Variants in SLCO3A1 observed in about 807,000 individuals in gnomAD.
SLCO3A1 encodes the protein solute carrier organic anion transporter family member 3A1.
In SLCO3A1, 27 loss-of-function variants were observed where a neutral mutation model predicts 63.1. The observed-to-expected ratio is 0.43, with a 90% CI of 0.32 to 0.59. The LOEUF is 0.59. SLCO3A1 is among the 20% of genes least tolerant of loss of function. The pLI, the probability that SLCO3A1 is intolerant of heterozygous loss-of-function variation, is 0.09. For synonymous variants in SLCO3A1, 473 were observed against 409.9 expected, an observed-to-expected ratio of 1.15 and a Z score of -1.86; for missense variants, 773 against 945.8, an observed-to-expected ratio of 0.82 and a Z score of 2.40.
In SLCO3A1 at chr15:91,854,343, G is replaced by T; in HGVS notation, c.180+255G>T. ...GTCCGGCTGGGGCAGGGGGTGCCGG[G>T]GGAGGAGAGGCGGCGGGCAGGTGGG... On this transcript the variant is annotated intron_variant, in intron 1 of 9. Transcript: ENST00000318445. The surrounding 1 kb of genome is among the most constrained non-coding windows in gnomAD (Gnocchi z 6.4). The T allele has an allele frequency of 1.8e-6, 2 of 1,127,818 alleles. No individual in the cohort carries two copies. Among genetic ancestry groups the T allele is most frequent in the South Asian group, 8.8e-5 (2 of 22,726 alleles). The allele number at this position is 1,127,818 out of a possible 1,614,324, so 69.9% of individuals were successfully genotyped here. A position where few individuals can be genotyped will look rare whatever the true frequency, so the allele number is the denominator to read the frequency against.
chr15:91,986,665 G>C (rs1169167197), intron 2 of SLCO3A1, among the ~76,000 whole-genome samples: 3 of 152,032 alleles, frequency 2.0e-5, no homozygotes, highest in Non-Finnish European at 4.4e-5. Context: ...CAGACCAGCT[G>C]CATTGGTTAA....
At chr15:92,147,706 A>G (rs2048247060) in intron 8 of SLCO3A1, among the ~76,000 whole-genome samples, 1 of 152,140 alleles carries the variant, frequency 6.6e-6, no homozygotes, top group Non-Finnish European at 1.5e-5. Context: ...TTCTTGTACA[A>G]AGAGGTTGCT....
rs1346971744 is a variant in SLCO3A1 at position 92,137,690 on chromosome 15, A to T, written c.1512+9201A>T. Among the ~76,000 whole-genome samples the T allele has an allele frequency of 2.8e-5, 3 of 106,794 alleles. No homozygotes were observed. The East Asian group carries it at 8.2e-4, about 29-fold the overall frequency. The allele number at this position is 106,794 out of a possible 152,430, so 70.1% of individuals were successfully genotyped here. On this transcript the variant is annotated intron_variant, in intron 7 of 9. Transcript: ENST00000318445. ...TCTAACTGGTGTGAGATGGTATCTCATTGTGGTTTTGATTTGCATTTCTCT... is the reference window on the plus strand; with the variant it reads ...TCTAACTGGTGTGAGATGGTATCTCTTTGTGGTTTTGATTTGCATTTCTCT...
Position 92,165,213 on chromosome 15 carries a change from C to A in SLCO3A1, c.*2078C>A, listed in dbSNP as rs950931862. On this transcript the variant is annotated 3_prime_UTR_variant, in exon 10 of 10. Coordinates refer to ENST00000318445, the MANE Select transcript of SLCO3A1 (RefSeq NM_013272.4). The stretch of plus-strand genomic sequence containing the variant: ...ATCAGCTACCTGGGGCAGGATGCTT[C>A]TGAGACAGGCCTTTCAACTGCTTAG... The A allele has an allele frequency of 3.0e-6, 3 of 985,276 alleles. No individual in the cohort carries two copies. The African/African-American group carries it at 5.2e-5, about 17-fold the overall frequency. 61.0% of individuals were successfully genotyped at this position (985,276 alleles called of 1,614,324 possible). A position where few individuals can be genotyped will look rare whatever the true frequency, so the allele number is the denominator to read the frequency against.
In SLCO3A1 at chr15:92,047,482, AAT is replaced by A. The variant is rs1158353026; in HGVS notation, c.647-47389_647-47388del. On this transcript the variant is annotated intron_variant, in intron 2 of 9. Coordinates refer to ENST00000318445, the MANE Select transcript of SLCO3A1 (RefSeq NM_013272.4). ...TATATATAATATATAAATATATATA[AAT>A]ATATATATAAATATATATAAATATA... Among the ~76,000 whole-genome samples the A allele has an allele frequency of 2.4e-3, 38 of 15,604 alleles. 10 individuals carry two copies. Among genetic ancestry groups the A allele is most frequent in the Non-Finnish European group, 2.7e-3 (22 of 8,058 alleles). The allele number at this position is 15,604 out of a possible 152,430, so 10.2% of individuals were successfully genotyped here. A position where few individuals can be genotyped will look rare whatever the true frequency, so the allele number is the denominator to read the frequency against.
Position 92,147,236 on chromosome 15 carries a change from T to TCAGA in SLCO3A1, c.1688+80_1688+83dup, listed in dbSNP as rs1475334262. On this transcript the variant is annotated intron_variant, in intron 8 of 9. Transcript: ENST00000318445. Reference sequence around the variant, plus strand: ...TGCAGGCCTCCTAGGGACCAGAGCTTCAGACAACAGGAATCTCTCGAACCA... The same window carrying TCAGA: ...TGCAGGCCTCCTAGGGACCAGAGCTTCAGACAGACAACAGGAATCTCTCGAACCA... The TCAGA allele has an allele frequency of 6.3e-6, 9 of 1,421,806 alleles. No individual in the cohort carries two copies. In the African/African-American group the frequency reaches 8.6e-5, roughly 14 times the overall value. 88.1% of individuals were successfully genotyped at this position (1,421,806 alleles called of 1,614,324 possible).
intron 1 of SLCO3A1, chr15:91,908,591 G>T (rs376421184): frequency 6.6e-6 from 1 of 152,084 alleles, no homozygotes; most frequent in South Asian, 2.1e-4. Context: ...CTGCTGTCTA[G>T]ATGAGAAACA....
chr15:91,937,176 A>G (rs1265445630), intron 2 of SLCO3A1, among the ~76,000 whole-genome samples: 2 of 152,184 alleles, frequency 1.3e-5, no homozygotes, highest in Non-Finnish European at 2.9e-5. Flanking sequence ...ACCCACTTAC[A>G]TTAAAATGTG....
At chr15:91,889,094 A>G in intron 1 of SLCO3A1, 2 of 1,164,292 alleles carry the variant, frequency 1.7e-6, no homozygotes, top group Admixed American at 3.0e-5. Flanking sequence ...TGTACTTGTT[A>G]TTACAGAATA....
At position 92,035,003 on chromosome 15, in the gene SLCO3A1, G is replaced by T. The variant is rs2046706132; in HGVS notation, c.647-59878G>T. On this transcript the variant is annotated intron_variant, in intron 2 of 9. Coordinates refer to ENST00000318445, the MANE Select transcript of SLCO3A1 (RefSeq NM_013272.4). ...ATCTGAGGGAACTGAGGTTTGGAAA[G>T]ATTCAATGGCTTGTCCAAGGTCATA... is the stretch of plus-strand genomic sequence containing the variant. Among the ~76,000 whole-genome samples the T allele has an allele frequency of 1.3e-5, 2 of 151,930 alleles. 1 individual carries two copies. The highest frequency in any genetic ancestry group is 4.1e-4 in the South Asian group (2 of 4,820).
Position 91,947,386 on chromosome 15 carries a change from G to A in SLCO3A1, c.646+30928G>A, listed in dbSNP as rs1899845789. ...TCCCGAACAAGCTCCCGTGCTCTTG[G>A]TCTGGTTGCCGCTGGCAGAGTTAGT... is the stretch of plus-strand genomic sequence containing the variant. On this transcript the variant is annotated intron_variant, in intron 2 of 9. Transcript: ENST00000318445. 3.9e-5 allele frequency among the ~76,000 whole-genome samples: 6 copies of A among 152,326 alleles called. 1 individual carries two copies. The South Asian group carries it at 1.2e-3, about 32-fold the overall frequency.
At chr15:92,026,564 G>T (rs1218313484) in intron 2 of SLCO3A1, among the ~76,000 whole-genome samples, 1 of 152,154 alleles carries the variant, frequency 6.6e-6, no homozygotes, top group Non-Finnish European at 1.5e-5. Flanking sequence ...ATAGTCTAGG[G>T]GTCCCTAAGG....
chr15:91,907,120 C>CA (rs1339461944), intron 1 of SLCO3A1, among the ~76,000 whole-genome samples: 1 of 152,090 alleles, frequency 6.6e-6, no homozygotes, highest in African/African-American at 2.4e-5. Context: ...AAACAGTAGC[C>CA]TGAGGAAGGT....
At position 91,875,922 on chromosome 15, in the gene SLCO3A1, T is replaced by C. The variant is rs1416776594; in HGVS notation, c.180+21834T>C. Among the ~76,000 whole-genome samples the C allele has an allele frequency of 6.6e-6, 1 of 152,238 alleles. No homozygotes were observed. The highest frequency in any genetic ancestry group is 2.4e-5 in the African/African-American group (1 of 41,470). ...GGCCTGCAAAGCCTAAAATAGCTGC[T>C]ATCTGGCCTTTACAGAAAAGGTTTG... On this transcript the variant is annotated intron_variant, in intron 1 of 9. Transcript: ENST00000318445. This position sits in a 1 kb window ranked among gnomAD's most constrained non-coding sequence, Gnocchi z 4.5.
intron 7 of SLCO3A1, among the ~76,000 whole-genome samples, chr15:92,145,396 T>C (rs947449999): frequency 2.0e-5 from 3 of 149,376 alleles, no homozygotes; most frequent in Non-Finnish European, 3.0e-5. Flanking sequence ...TTCGTTCTCA[T>C]GTGTATTCTA....
In SLCO3A1 at chr15:91,888,919, G is replaced by A. The variant is rs141915234; in HGVS notation, c.181-27074G>A. On this transcript the variant is annotated intron_variant, in intron 1 of 9. Coordinates refer to ENST00000318445, the MANE Select transcript of SLCO3A1 (RefSeq NM_013272.4). ...AGCTGCTCAGGAGGCTGGGGTGGGC[G>A]GATCGCTTGAGCCCAGGAGCATAAG... Among the ~76,000 whole-genome samples, 738 of 151,846 alleles carry A rather than the reference G, an allele frequency of 4.9e-3. 5 individuals are homozygous for A. Among genetic ancestry groups the A allele is most frequent in the African/African-American group, 0.017 (700 of 41,366 alleles).
At chr15:91,902,978 C>G (rs1359961958) in intron 1 of SLCO3A1, among the ~76,000 whole-genome samples, 1 of 152,238 alleles carries the variant, frequency 6.6e-6, no homozygotes, top group Non-Finnish European at 1.5e-5. Context: ...ATGGATTCAT[C>G]TACATAGTGA....
intron 2 of SLCO3A1, among the ~76,000 whole-genome samples, chr15:92,027,988 C>T (rs1338713219): frequency 6.6e-6 from 1 of 152,170 alleles, no homozygotes; most frequent in Admixed American, 6.5e-5. Context: ...TCACAGCGTT[C>T]GGCTCAATCT....
Position 91,854,354 on chromosome 15 carries a change from C to T in SLCO3A1, c.180+266C>T. The T allele has an allele frequency of 2.9e-6, 3 of 1,042,248 alleles. No homozygotes were observed. The highest frequency in any genetic ancestry group is 3.5e-6 in the Non-Finnish European group (3 of 865,492). The allele number at this position is 1,042,248 out of a possible 1,614,324, so 64.6% of individuals were successfully genotyped here. A position where few individuals can be genotyped will look rare whatever the true frequency, so the allele number is the denominator to read the frequency against. On this transcript the variant is annotated intron_variant, in intron 1 of 9. Coordinates refer to ENST00000318445, the MANE Select transcript of SLCO3A1 (RefSeq NM_013272.4). This position sits in a 1 kb window ranked among gnomAD's most constrained non-coding sequence, Gnocchi z 6.4. ...GCAGGGGGTGCCGGGGGAGGAGAGG[C>T]GGCGGGCAGGTGGGCGTGAAACTAT...
Sources: allele counts gnomAD v4.1 joint callset (sites outside exome capture counted in the v4.1 genomes callset), GRCh38; gene constraint gnomAD v4.1.1; non-coding constraint Gnocchi (gnomAD v3.1); transcripts MANE v1.5; gene names NCBI Gene and HGNC (gene_info 2026-07-23, HGNC 2026-07-21).